Variants in DLG5 observed in about 807,000 individuals in gnomAD.
The protein encoded by DLG5 is discs large MAGUK scaffold protein 5.
DLG5 carries 48 observed loss-of-function variants against 189.8 expected under a neutral mutation model. The ratio of observed to expected loss-of-function variants is 0.25; its 90% CI spans 0.20 to 0.32. The LOEUF (loss-of-function observed/expected upper bound fraction) is 0.32, where lower values mean the gene tolerates loss of function less well. DLG5 is among the 10% of genes least tolerant of loss of function. DLG5 has a pLI of 1.00. For missense variants in DLG5, 2,160 were observed against 2,544.7 expected, an observed-to-expected ratio of 0.85 and a Z score of 3.25; for synonymous variants, 1,016 against 1,054.1, an observed-to-expected ratio of 0.96 and a Z score of 0.70.
At chr10:77,834,330 G>A (rs538379931) in intron 8 of DLG5, among the ~76,000 whole-genome samples, 1 of 152,178 alleles carries the variant, frequency 6.6e-6, no homozygotes, top group African/African-American at 2.4e-5. Flanking sequence ...CTGGGGTTAA[G>A]GACCACCCTC....
intron 1 of DLG5, among the ~76,000 whole-genome samples, chr10:77,917,612 T>C (rs992829945): frequency 6.6e-6 from 1 of 151,954 alleles, no homozygotes; most frequent in African/African-American, 2.4e-5. Context: ...ATTCATATAA[T>C]GGTGACTGTC....
chr10:77,887,169 C>T (rs907975165), intron 1 of DLG5, among the ~76,000 whole-genome samples: 1 of 152,160 alleles, frequency 6.6e-6, no homozygotes. Context: ...TGCTGTTAGC[C>T]CCATTTTACA....
At chr10:77,802,869 C>T (rs923844088) in intron 27 of DLG5, among the ~76,000 whole-genome samples, 13 of 152,086 alleles carry the variant, frequency 8.5e-5, no homozygotes, top group African/African-American at 1.4e-4. Context: ...CATTGCACTC[C>T]GGCCTGGGCG....
In DLG5 at chr10:77,907,756, G is replaced by C. The variant is rs992350869; in HGVS notation, c.304+18461C>G. ...AGAAAGCAATTTGGCCATGGTCACG[G>C]TAAGTGGCAGATTCAGGATTCAAAC... On this transcript the variant is annotated intron_variant, in intron 1 of 31. Coordinates refer to ENST00000372391, the MANE Select transcript of DLG5 (RefSeq NM_004747.4). 2.6e-5 allele frequency among the ~76,000 whole-genome samples: 4 copies of C among 152,082 alleles called. No homozygotes were observed. In the South Asian group the frequency reaches 8.3e-4, roughly 31 times the overall value.
In DLG5 at chr10:77,819,895, C is replaced by A. The variant is rs1428638932; in HGVS notation, c.3526G>T (p.Gly1176Cys). The change falls in exon 16 of 32, where the codon GGC becomes TGC. Residue 1176 changes from glycine to cysteine, a missense_variant and splice_region_variant. Physicochemically the swap from Gly to Cys is radical, Grantham distance 159. Around this residue, in one of 5 missense-constraint regions of DLG5, gnomAD observed 754 missense variants for 746.5 expected, o/e 1.01. Transcript: ENST00000372391. Reference sequence around the variant, plus strand: ...CCCAGCCCCTGGCTGGCTGACTCACCCACAGACGGCCTGCTAGGGTATAGC... The same window carrying A: ...CCCAGCCCCTGGCTGGCTGACTCACACACAGACGGCCTGCTAGGGTATAGC... ...PPLYPSRPSV[G>C]TVPRSLTPST... 2 of 1,562,372 alleles carry A rather than the reference C, an allele frequency of 1.3e-6. No individual in the cohort carries two copies. The highest frequency in any genetic ancestry group is 2.4e-5 in the South Asian group (2 of 82,206).
At chr10:77,900,727 G>A (rs1025518394) in intron 1 of DLG5, among the ~76,000 whole-genome samples, 3 of 152,300 alleles carry the variant, frequency 2.0e-5, no homozygotes, top group African/African-American at 7.2e-5. Context: ...ACGAGGTCAG[G>A]AGTTTGAGAC....
At chr10:77,812,148 G>A in intron 21 of DLG5, 67 bp downstream of exon 21, 1 of 1,596,254 alleles carries the variant, frequency 6.3e-7, no homozygotes, top group African/African-American at 1.3e-5. Context: ...CTGTTCCCTA[G>A]GAGGAGGAGA....
intron 1 of DLG5, among the ~76,000 whole-genome samples, chr10:77,921,720 A>C (rs567311909): frequency 6.6e-6 from 1 of 152,206 alleles, no homozygotes; most frequent in Non-Finnish European, 1.5e-5. Flanking sequence ...GTCCCAGCAC[A>C]TTCGTGAAGC....
intron 1 of DLG5, among the ~76,000 whole-genome samples, chr10:77,888,258 C>A (rs1020311800): frequency 6.6e-6 from 1 of 152,128 alleles, no homozygotes; most frequent in Non-Finnish European, 1.5e-5. Context: ...AGGCAAAGTG[C>A]GGCAGGAACT....
intron 7 of DLG5, among the ~76,000 whole-genome samples, chr10:77,837,752 C>T (rs1216425848): frequency 6.6e-6 from 1 of 152,220 alleles, no homozygotes; most frequent in Non-Finnish European, 1.5e-5. Flanking sequence ...GCTCCTCTAC[C>T]CCAGGCTGCC....
chr10:77,831,009 C>CA lies in DLG5; in HGVS notation c.1749-137dup, dbSNP rs1842872898. 3.6e-6 allele frequency: 4 copies of CA among 1,096,122 alleles called. No homozygotes were observed. In the South Asian group the frequency reaches 6.8e-5, roughly 19 times the overall value. The allele number at this position is 1,096,122 out of a possible 1,614,324, so 67.9% of individuals were successfully genotyped here. A position where few individuals can be genotyped will look rare whatever the true frequency, so the allele number is the denominator to read the frequency against. ...CTTTCCCCCTTGTTTCCCAATAACT[C>CA]AGAGTCAGGTCAAGGCTGCTGGGAT... On this transcript the variant is annotated intron_variant, in intron 9 of 31. Coordinates refer to ENST00000372391, the MANE Select transcript of DLG5 (RefSeq NM_004747.4).
chr10:77,921,047 T>C (rs1846520112), intron 1 of DLG5, among the ~76,000 whole-genome samples: 1 of 152,124 alleles, frequency 6.6e-6, no homozygotes, highest in Non-Finnish European at 1.5e-5. Flanking sequence ...AATAACACAA[T>C]TAAAACCACC....
chr10:77,814,022 A>G (rs968291714), intron 20 of DLG5, among the ~76,000 whole-genome samples: 2 of 151,968 alleles, frequency 1.3e-5, no homozygotes, highest in Admixed American at 1.3e-4. Flanking sequence ...TCTGTCACCC[A>G]GGGTGGAGTG....
chr10:77,809,396 ACT>A (rs1841643660), intron 24 of DLG5, 149 bp downstream of exon 24: 11 of 827,828 alleles, frequency 1.3e-5, no homozygotes, highest in Non-Finnish European at 2.1e-5. Context: ...ACAGAGCAAG[ACT>A]CTGCCTCAAC....
Position 77,792,883 on chromosome 10 carries a change from G to A in DLG5, c.5657-340C>T, listed in dbSNP as rs1264346941. ...AGCAGGATTCTGCAGGAAACGACAAGTTTAAGGAGCCAGATAGCTCATGGC... is the reference window on the plus strand; with the variant it reads ...AGCAGGATTCTGCAGGAAACGACAAATTTAAGGAGCCAGATAGCTCATGGC... On this transcript the variant is annotated intron_variant, in intron 31 of 31. Transcript: ENST00000372391. The A allele has an allele frequency of 1.6e-5, 5 of 310,948 alleles. No individual in the cohort carries two copies. The East Asian group carries it at 3.6e-4, about 22-fold the overall frequency. The allele number at this position is 310,948 out of a possible 1,614,324, so 19.3% of individuals were successfully genotyped here. A position where few individuals can be genotyped will look rare whatever the true frequency, so the allele number is the denominator to read the frequency against.
intron 9 of DLG5, 27 bp from the exon 10 acceptor site, chr10:77,830,900 A>G: frequency 1.2e-6 from 2 of 1,612,498 alleles, no homozygotes; most frequent in Non-Finnish European, 1.7e-6. Context: ...CCACGGTGAC[A>G]GCCCCTTGGG....
the DLG5 span, among the ~76,000 whole-genome samples, chr10:77,937,416 A>G: frequency 1.3e-5 from 2 of 152,084 alleles, no homozygotes; most frequent in Non-Finnish European, 2.9e-5. Context: ...TTGGCCTGGG[A>G]TGTCTTTGCC....
chr10:77,816,725 C>G (rs776739654), intron 19 of DLG5, 24 bp from the exon 20 acceptor site: 1 of 1,581,054 alleles, frequency 6.3e-7, no homozygotes, highest in East Asian at 2.2e-5. Flanking sequence ...CGGGTAATGC[C>G]GGTGTGAACT....
chr10:77,797,967 G>A (rs766253407), intron 27 of DLG5, among the ~76,000 whole-genome samples: 2 of 152,036 alleles, frequency 1.3e-5, no homozygotes, highest in African/African-American at 2.4e-5. Flanking sequence ...CAGGTGGATC[G>A]CTTGAGGTCA....
Sources: allele counts gnomAD v4.1 joint callset (sites outside exome capture counted in the v4.1 genomes callset), GRCh38; gene constraint gnomAD v4.1.1; regional missense constraint gnomAD v4.1.1; transcripts MANE v1.5; gene names NCBI Gene and HGNC (gene_info 2026-07-23, HGNC 2026-07-21).